Variants in LRCH1 observed in about 807,000 individuals in gnomAD.
LRCH1 encodes the protein leucine-rich repeat and calponin homology domain-containing protein 1.
A neutral mutation model predicts 94.9 loss-of-function variants in LRCH1; 23 were observed. The observed-to-expected ratio is 0.24, with a 90% confidence interval of 0.17 to 0.34. LRCH1 has a LOEUF of 0.34. LRCH1 is among the 10% of genes least tolerant of loss of function. LRCH1 has a pLI of 1.00. For synonymous variants in LRCH1, 364 were observed against 354.9 expected, an observed-to-expected ratio of 1.03 and a Z score of -0.29; for missense variants, 790 against 945.9, an observed-to-expected ratio of 0.84 and a Z score of 2.16.
intron 2 of LRCH1, among the ~76,000 whole-genome samples, chr13:46,655,359 A>G (rs1181565605): frequency 6.6e-6 from 1 of 152,264 alleles, no homozygotes; most frequent in Non-Finnish European, 1.5e-5. Context: ...ATTTTCTCAC[A>G]TGACAGAAAT....
chr13:46,710,931 T>C (rs759090040), intron 13 of LRCH1, among the ~76,000 whole-genome samples: 4 of 152,156 alleles, frequency 2.6e-5, no homozygotes, highest in Non-Finnish European at 5.9e-5. Flanking sequence ...ATGCTGGTTT[T>C]ACAAGATTTT....
At chr13:46,692,118 A>C (rs1284158406) in intron 7 of LRCH1, among the ~76,000 whole-genome samples, 1 of 152,222 alleles carries the variant, frequency 6.6e-6, no homozygotes, top group Admixed American at 6.5e-5. Context: ...ATTGGGGATT[A>C]CATTTCAACA....
intron 1 of LRCH1, among the ~76,000 whole-genome samples, chr13:46,577,975 C>T (rs1269857910): frequency 6.6e-6 from 1 of 152,206 alleles, no homozygotes; most frequent in African/African-American, 2.4e-5. Flanking sequence ...AAGGGAATCC[C>T]CGTCAGCTTT....
chr13:46,565,948 C>T (rs1303747189), intron 1 of LRCH1, among the ~76,000 whole-genome samples: 1 of 151,826 alleles, frequency 6.6e-6, no homozygotes. Context: ...GAATGGGGAA[C>T]CCTATTCCTG....
chr13:46,627,665 G>A (rs1436130209), intron 1 of LRCH1, among the ~76,000 whole-genome samples: 1 of 152,180 alleles, frequency 6.6e-6, no homozygotes, highest in Non-Finnish European at 1.5e-5. Flanking sequence ...CAACAAGGAT[G>A]CTGGGTTCAG....
chr13:46,714,100 T>C (rs957175570), intron 15 of LRCH1, among the ~76,000 whole-genome samples: 5 of 152,254 alleles, frequency 3.3e-5, no homozygotes, highest in African/African-American at 1.2e-4. Context: ...TTAAACCATT[T>C]CACATTCTTT....
intron 17 of LRCH1, among the ~76,000 whole-genome samples, chr13:46,725,306 C>A (rs1191706461): frequency 6.6e-6 from 1 of 152,196 alleles, no homozygotes; most frequent in Non-Finnish European, 1.5e-5. Context: ...TATCACACAA[C>A]ATACCCATGT....
chr13:46,738,030 A>G (rs1873470529), intron 19 of LRCH1, among the ~76,000 whole-genome samples: 1 of 152,234 alleles, frequency 6.6e-6, no homozygotes, highest in Non-Finnish European at 1.5e-5. Context: ...CCTTAGTTTA[A>G]CAGACTTGCC....
At chr13:46,574,821 GGTTTTTTTTTTT>G (rs1343515903) in intron 1 of LRCH1, among the ~76,000 whole-genome samples, 3 of 134,514 alleles carry the variant, frequency 2.2e-5, no homozygotes, top group African/African-American at 8.9e-5. Context: ...TTGTGTGTGG[GGTTTTTTTTTTT>G]TTTTTTTTTT....
intron 1 of LRCH1, among the ~76,000 whole-genome samples, chr13:46,555,751 A>G (rs2050057195): frequency 6.6e-6 from 1 of 152,230 alleles, no homozygotes; most frequent in African/African-American, 2.4e-5. Context: ...ACCCCATCAG[A>G]AAAGTATTCA....
chr13:46,573,866 A>ATTTTTTTT (rs540821255), intron 1 of LRCH1, among the ~76,000 whole-genome samples: 8 of 63,390 alleles, frequency 1.3e-4, no homozygotes, highest in South Asian at 6.7e-4. Flanking sequence ...ATATATATAT[A>ATTTTTTTT]TTTTTTTTTT....
In LRCH1 at chr13:46,635,632, A is replaced by G. The variant is rs564296095; in HGVS notation, c.308-14569A>G. Among the ~76,000 whole-genome samples the G allele has an allele frequency of 3.7e-3, 564 of 151,828 alleles. 7 individuals carry two copies. The highest frequency in any genetic ancestry group is 0.012 in the African/African-American group (500 of 41,354). On this transcript the variant is annotated intron_variant, in intron 1 of 19. Coordinates refer to ENST00000389797, the MANE Select transcript of LRCH1 (RefSeq NM_001164211.2). ...ACTACAAGTACCCGCCACCACGCCC[A>G]GCTAATTGTTTTGTATTTTTAGTAG...
chr13:46,661,618 T>C (rs1215451378), intron 2 of LRCH1, among the ~76,000 whole-genome samples: 1 of 152,212 alleles, frequency 6.6e-6, no homozygotes, highest in African/African-American at 2.4e-5. Flanking sequence ...TTATTAGTAG[T>C]TGTCAAGTTA....
At position 46,742,758 on chromosome 13, in the gene LRCH1, A is replaced by G; in HGVS notation, c.*910A>G. ...ACGGATTCGACTCTATTCATTTTCAAATAAAGCCATGAGCCGTGGAACATT... is the reference window on the plus strand; with the variant it reads ...ACGGATTCGACTCTATTCATTTTCAGATAAAGCCATGAGCCGTGGAACATT... On this transcript the variant is annotated 3_prime_UTR_variant, in exon 20 of 20. Transcript: ENST00000389797. 1.0e-6 allele frequency: 1 copy of G among 985,444 alleles called. No individual in the cohort carries two copies. Among genetic ancestry groups the G allele is most frequent in the Non-Finnish European group, 1.2e-6 (1 of 829,932 alleles). The allele number at this position is 985,444 out of a possible 1,614,324, so 61.0% of individuals were successfully genotyped here.
chr13:46,696,210 A>G (rs968365304), intron 9 of LRCH1, among the ~76,000 whole-genome samples: 2 of 141,184 alleles, frequency 1.4e-5, no homozygotes, highest in African/African-American at 6.3e-5. Context: ...ACACACACAC[A>G]CACACACACA....
At chr13:46,606,148 ATGTGTGTG>A (rs3991577) in intron 1 of LRCH1, among the ~76,000 whole-genome samples, 4 of 148,616 alleles carry the variant, frequency 2.7e-5, no homozygotes, top group African/African-American at 7.4e-5. Context: ...TTTTAACCTT[ATGTGTGTG>A]TGTGTGTGTG....
At chr13:46,583,690 A>G (rs2050397978) in intron 1 of LRCH1, among the ~76,000 whole-genome samples, 4 of 152,130 alleles carry the variant, frequency 2.6e-5, no homozygotes, top group Admixed American at 2.6e-4. Flanking sequence ...TGACTAGATT[A>G]CTATACATTT....
intron 3 of LRCH1, among the ~76,000 whole-genome samples, chr13:46,678,508 A>G (rs1452649375): frequency 3.3e-5 from 5 of 152,198 alleles, no homozygotes; most frequent in African/African-American, 1.2e-4. Flanking sequence ...AGTAATTGAC[A>G]ACAGTGCAGA....
chr13:46,698,589 G>A lies in LRCH1; in HGVS notation c.1246-747G>A, dbSNP rs547210023. ...TCTTTTCCCCACTACACACATATGC[G>A]TGCACACTCACACTTAAACACACAT... On this transcript the variant is annotated intron_variant, in intron 9 of 19. Transcript: ENST00000389797. Among the ~76,000 whole-genome samples, 22 of 152,200 alleles carry A rather than the reference G, an allele frequency of 1.4e-4. No homozygotes were observed. The South Asian group carries it at 2.3e-3, about 16-fold the overall frequency.
Sources: gnomAD v4.1 joint callset for allele counts (sites outside exome capture counted in the v4.1 genomes callset) on GRCh38, gnomAD v4.1.1 for gene constraint, MANE v1.5 for transcripts, NCBI Gene and HGNC (gene_info 2026-07-23, HGNC 2026-07-21) for gene names.